The following HDAC8 variants were observed in gnomAD, a reference collection of about 807,000 sequenced individuals.
HDAC8 encodes histone deacetylase-like 1.
Under a neutral mutation model 32.2 loss-of-function variants are expected in HDAC8, and 1 was observed. That is an observed-to-expected ratio of 0.03 (90% CI 0.01 to 0.15). The LOEUF is 0.15. HDAC8 is among the 10% of genes least tolerant of loss of function. The probability of loss-of-function intolerance (pLI) is 1.00; values close to 1 mark genes in which losing one functional copy is unlikely to be tolerated. For missense variants in HDAC8, 117 were observed against 300.0 expected (o/e 0.39, Z 4.51); for synonymous variants, 108 against 113.9 (o/e 0.95, Z 0.33).
At chrX:72,366,728 C>A (rs2044710354) in intron 9 of HDAC8, among the ~76,000 whole-genome samples, 1 of 112,015 alleles carries the variant, frequency 8.9e-6, no homozygotes, top group Admixed American at 9.5e-5. Context: ...TCATTGTCAG[C>A]AGCTGGCATT....
chrX:72,444,493 T>A (rs2047304576), intron 9 of HDAC8, among the ~76,000 whole-genome samples: 1 of 110,560 alleles, frequency 9.0e-6, no homozygotes, highest in Non-Finnish European at 1.9e-5. Flanking sequence ...ACACCCTTCA[T>A]GCTAAAAACT....
chrX:72,348,361 A>G (rs781839377), intron 10 of HDAC8, among the ~76,000 whole-genome samples: 3 of 112,368 alleles, frequency 2.7e-5, no homozygotes, highest in Non-Finnish European at 3.8e-5. Context: ...AACAAATAAC[A>G]GTCTTGTAGA....
chrX:72,396,346 G>T (rs782329965), intron 9 of HDAC8, among the ~76,000 whole-genome samples: 1 of 112,476 alleles, frequency 8.9e-6, no homozygotes, highest in Non-Finnish European at 1.9e-5. Flanking sequence ...GAAGAGCCAT[G>T]TTGCTGTCTG....
intron 9 of HDAC8, among the ~76,000 whole-genome samples, chrX:72,437,285 G>A (rs781961268): frequency 1.3e-4 from 14 of 111,733 alleles, no homozygotes; most frequent in Non-Finnish European, 2.1e-4. Flanking sequence ...GGACTGTGCC[G>A]TGAGGAATGG....
chrX:72,564,016 C>T (rs1378464935), intron 4 of HDAC8, among the ~76,000 whole-genome samples: 2 of 110,831 alleles, frequency 1.8e-5, no homozygotes, highest in South Asian at 3.9e-4. Context: ...AAAAATTAGC[C>T]GGGCATGGTG....
At chrX:72,359,470 T>A (rs1182460735) in intron 9 of HDAC8, among the ~76,000 whole-genome samples, 1 of 110,608 alleles carries the variant, frequency 9.0e-6, no homozygotes, top group Non-Finnish European at 1.9e-5. Context: ...GGGGGATAGT[T>A]AGAGGAGGCA....
At chrX:72,414,799 T>C (rs1555971290) in intron 9 of HDAC8, among the ~76,000 whole-genome samples, 1 of 111,337 alleles carries the variant, frequency 9.0e-6, no homozygotes. Flanking sequence ...TGGATGCAAA[T>C]ATTGTGGTCC....
intron 4 of HDAC8, among the ~76,000 whole-genome samples, chrX:72,559,037 C>T (rs1301933991): frequency 4.2e-5 from 1 of 23,757 alleles, no homozygotes; most frequent in Admixed American, 3.9e-4. Context: ...AGCTTCTCCC[C>T]CTCCCCCTCC....
At chrX:72,506,100 C>T (rs782573635) in intron 4 of HDAC8, among the ~76,000 whole-genome samples, 81 of 111,800 alleles carry the variant, frequency 7.2e-4, no homozygotes, top group Non-Finnish European at 1.4e-3. Context: ...ACTCCAGTGG[C>T]TCAATATAAA....
chrX:72,572,491 A>G, intron 1 of HDAC8, 160 bp downstream of exon 1: 1 of 450,692 alleles, frequency 2.2e-6, no homozygotes, highest in South Asian at 3.9e-5. Context: ...CGATATGAGA[A>G]CACTTCCTTC....
At chrX:72,515,163 A>G (rs1424653126) in intron 4 of HDAC8, among the ~76,000 whole-genome samples, 2 of 110,922 alleles carry the variant, frequency 1.8e-5, no homozygotes, top group African/African-American at 6.6e-5. Flanking sequence ...CATCTTGTGT[A>G]CCTGAAACTG....
At chrX:72,410,399 G>A (rs782122101) in intron 9 of HDAC8, among the ~76,000 whole-genome samples, 125 of 111,201 alleles carry the variant, frequency 1.1e-3, no homozygotes, top group African/African-American at 4.1e-3. Flanking sequence ...TGTACAAAAG[G>A]ACCAGGCTGG....
chrX:72,471,444 T>C (rs2048173645), intron 7 of HDAC8, among the ~76,000 whole-genome samples: 1 of 112,286 alleles, frequency 8.9e-6, no homozygotes, highest in African/African-American at 3.2e-5. Context: ...CACACCATTT[T>C]ACATCCCCAT....
At chrX:72,536,892 A>G (rs1346752234) in intron 4 of HDAC8, among the ~76,000 whole-genome samples, 1 of 112,172 alleles carries the variant, frequency 8.9e-6, no homozygotes, top group African/African-American at 3.2e-5. Flanking sequence ...TAGGGTACTC[A>G]TAACAGCATA....
intron 9 of HDAC8, among the ~76,000 whole-genome samples, chrX:72,431,973 A>G (rs1363062704): frequency 9.0e-6 from 1 of 111,140 alleles, no homozygotes; most frequent in Non-Finnish European, 1.9e-5. Flanking sequence ...GGAGGATATA[A>G]ACACACACAG....
At chrX:72,415,771 A>T (rs2046316515) in intron 9 of HDAC8, among the ~76,000 whole-genome samples, 2 of 112,092 alleles carry the variant, frequency 1.8e-5, no homozygotes, top group African/African-American at 6.5e-5. Context: ...AGTATATAGA[A>T]TTGATTTTTG....
At chrX:72,434,169 C>A (rs1307171140) in intron 9 of HDAC8, among the ~76,000 whole-genome samples, 1 of 111,816 alleles carries the variant, frequency 8.9e-6, no homozygotes, top group Non-Finnish European at 1.9e-5. Context: ...GGGATGGAAT[C>A]CTGACTCTAC....
chrX:72,391,579 T>C (rs1327316977), intron 9 of HDAC8, among the ~76,000 whole-genome samples: 2 of 112,007 alleles, frequency 1.8e-5, no homozygotes, highest in South Asian at 3.7e-4. Context: ...TATTTAAAAA[T>C]GGCAATGTAA....
intron 9 of HDAC8, among the ~76,000 whole-genome samples, chrX:72,398,592 A>C (rs1357268217): frequency 9.2e-6 from 1 of 108,642 alleles, no homozygotes; most frequent in Non-Finnish European, 1.9e-5. Context: ...GCCTCGACCG[A>C]GATCTCTAAG....
Sources: gnomAD v4.1 joint callset for allele counts (sites outside exome capture counted in the v4.1 genomes callset) on GRCh38, gnomAD v4.1.1 for gene constraint, MANE v1.5 for transcripts, NCBI Gene and HGNC (gene_info 2026-07-23, HGNC 2026-07-21) for gene names.